The following PPP2R5E variants were observed in gnomAD, a reference collection of about 807,000 sequenced individuals.
The protein encoded by PPP2R5E is serine/threonine-protein phosphatase 2A 56 kDa regulatory subunit epsilon isoform.
In PPP2R5E, 4 loss-of-function variants were observed where a neutral mutation model predicts 65.3. That is an observed-to-expected ratio of 0.06 (90% CI 0.03 to 0.14). The LOEUF (loss-of-function observed/expected upper bound fraction) is 0.14, where lower values mean the gene tolerates loss of function less well. PPP2R5E is among the 10% of genes least tolerant of loss of function. PPP2R5E has a pLI of 1.00. For missense variants in PPP2R5E, 274 were observed against 556.1 expected (o/e 0.49, Z 5.10); for synonymous variants, 183 against 187.4 (o/e 0.98, Z 0.19).
chr14:63,418,841 CTTT>C (rs772740856), intron 4 of PPP2R5E, among the ~76,000 whole-genome samples: 2 of 105,088 alleles, frequency 1.9e-5, no homozygotes, highest in Non-Finnish European at 3.8e-5. Flanking sequence ...AATTTTTTTA[CTTT>C]TTTTTTTTTT....
chr14:63,473,658 CAA>C (rs1309848018), intron 2 of PPP2R5E, among the ~76,000 whole-genome samples: 2 of 152,098 alleles, frequency 1.3e-5, no homozygotes, highest in African/African-American at 4.8e-5. Flanking sequence ...CAATCAGACT[CAA>C]GAGGCTGAGA....
chr14:63,450,824 C>CTTT, intron 3 of PPP2R5E, among the ~76,000 whole-genome samples: 1 of 149,194 alleles, frequency 6.7e-6, no homozygotes, highest in Non-Finnish European at 1.5e-5. Flanking sequence ...TGGTGAGTTG[C>CTTT]CAAGAAGCAG....
At chr14:63,400,699 C>CAAAGAAAAAAA (rs1555356629) in intron 5 of PPP2R5E, among the ~76,000 whole-genome samples, 1 of 73,730 alleles carries the variant, frequency 1.4e-5, no homozygotes, top group African/African-American at 4.6e-5. Context: ...CCCAACCAGC[C>CAAAGAAAAAAA]AAAAAAAAAA....
At chr14:63,478,961 C>G (rs926546916) in intron 2 of PPP2R5E, among the ~76,000 whole-genome samples, 1 of 151,540 alleles carries the variant, frequency 6.6e-6, no homozygotes, top group African/African-American at 2.4e-5. Flanking sequence ...CCATCTTGTA[C>G]TAAAAATCCA....
At chr14:63,393,096 C>A (rs1327156987) in intron 8 of PPP2R5E, among the ~76,000 whole-genome samples, 1 of 152,040 alleles carries the variant, frequency 6.6e-6, no homozygotes, top group Non-Finnish European at 1.5e-5. Context: ...TGACCTAGAA[C>A]AGGAGGCAAA....
intron 2 of PPP2R5E, among the ~76,000 whole-genome samples, chr14:63,519,323 G>T (rs991390765): frequency 2.0e-4 from 30 of 152,260 alleles, no homozygotes; most frequent in African/African-American, 7.0e-4. Context: ...ATTTGAGGGT[G>T]TATAAATGTT....
At chr14:63,399,282 T>C (rs1297281319) in intron 5 of PPP2R5E, among the ~76,000 whole-genome samples, 3 of 151,538 alleles carry the variant, frequency 2.0e-5, no homozygotes, top group Admixed American at 1.3e-4. Context: ...TATGACTCCA[T>C]TTATGTGAAA....
intron 3 of PPP2R5E, chr14:63,451,192 T>C (rs1016975262): frequency 6.6e-6 from 1 of 152,162 alleles, no homozygotes; most frequent in Non-Finnish European, 1.5e-5. Context: ...ATACAATACA[T>C]ACAGCAATTA....
At chr14:63,532,064 G>A (rs752887422) in intron 2 of PPP2R5E, among the ~76,000 whole-genome samples, 1 of 152,088 alleles carries the variant, frequency 6.6e-6, no homozygotes, top group Non-Finnish European at 1.5e-5. Context: ...ATATCCCTTT[G>A]AGAATCTGAA....
intron 2 of PPP2R5E, among the ~76,000 whole-genome samples, chr14:63,468,845 T>C (rs1452335113): frequency 2.0e-5 from 3 of 152,138 alleles, no homozygotes; most frequent in African/African-American, 4.8e-5. Flanking sequence ...AAACAAACAG[T>C]ATTAACCTCC....
chr14:63,413,915 C>T lies in PPP2R5E; in HGVS notation c.549+1225G>A, dbSNP rs147170642. Among the ~76,000 whole-genome samples, 431 of 152,240 alleles carry T rather than the reference C, an allele frequency of 2.8e-3. 1 individual carries two copies. The highest frequency in any genetic ancestry group is 9.7e-3 in the African/African-American group (404 of 41,540). ...AAATGTGAAGTATTGCTCAAGGATC[C>T]GCCCCATGTACCTAGGGGAATAGGG... On this transcript the variant is annotated intron_variant, in intron 5 of 13. Transcript: ENST00000337537.
At chr14:63,532,753 T>C (rs1893490583) in intron 2 of PPP2R5E, among the ~76,000 whole-genome samples, 2 of 152,348 alleles carry the variant, frequency 1.3e-5, no homozygotes, top group South Asian at 4.1e-4. Context: ...AAGCTAGGAC[T>C]CTTGAGGACC....
At chr14:63,406,732 C>T (rs1472792413) in intron 5 of PPP2R5E, among the ~76,000 whole-genome samples, 1 of 152,142 alleles carries the variant, frequency 6.6e-6, no homozygotes, top group Non-Finnish European at 1.5e-5. Context: ...CATTTATGTT[C>T]AACACTGATT....
At position 63,393,717 on chromosome 14, in the gene PPP2R5E, AC is replaced by A. The variant is rs199563158; in HGVS notation, c.849+102del. The A allele has an allele frequency of 3.6e-3, 2,846 of 784,762 alleles. 21 individuals are homozygous for A. The highest frequency in any genetic ancestry group is 0.03 in the African/African-American group (1,615 of 53,994). The allele number at this position is 784,762 out of a possible 1,614,324, so 48.6% of individuals were successfully genotyped here. On this transcript the variant is annotated intron_variant, in intron 8 of 13. Coordinates refer to ENST00000337537, the MANE Select transcript of PPP2R5E (RefSeq NM_006246.5). ...GCAGAGCAAGACTCCGTCTCAAAAA[AC>A]AAAAACCAAAAAAACAAAATGAAGG...
intron 2 of PPP2R5E, among the ~76,000 whole-genome samples, chr14:63,510,415 T>G (rs369494956): frequency 2.6e-5 from 4 of 152,296 alleles, no homozygotes; most frequent in Admixed American, 6.5e-5. Flanking sequence ...GAGCATGCAG[T>G]CTAACTGAAG....
chr14:63,411,658 TAAAAAAAAAAAAAA>T (rs766263301), intron 5 of PPP2R5E, among the ~76,000 whole-genome samples: 13 of 93,108 alleles, frequency 1.4e-4, no homozygotes, highest in African/African-American at 1.7e-4. Flanking sequence ...TGTGGTTGTT[TAAAAAAAAAAAAAA>T]AAAAAAAAAA....
chr14:63,522,342 T>C (rs8014389), intron 2 of PPP2R5E, among the ~76,000 whole-genome samples: 4,181 of 151,692 alleles, frequency 0.028, 61 homozygotes, highest in African/African-American at 0.045. Context: ...AGTGCCGAGA[T>C]TGCAGCCTCT....
Position 63,443,004 on chromosome 14 carries a change from G to A in PPP2R5E, c.354+10685C>T, listed in dbSNP as rs116896841. 9.3e-4 allele frequency among the ~76,000 whole-genome samples: 141 copies of A among 152,146 alleles called. 4 individuals carry two copies. Among genetic ancestry groups the A allele is most frequent in the East Asian group, 6.6e-3 (34 of 5,184 alleles). ...CCAAGCACTACTAAGAGTACATGTCGGCAGACTCTGAGAGATTTAATTGCA... is the reference window on the plus strand; with the variant it reads ...CCAAGCACTACTAAGAGTACATGTCAGCAGACTCTGAGAGATTTAATTGCA... On this transcript the variant is annotated intron_variant, in intron 3 of 13. Transcript: ENST00000337537.
At chr14:63,478,768 G>A (rs373733588) in intron 2 of PPP2R5E, among the ~76,000 whole-genome samples, 2 of 152,072 alleles carry the variant, frequency 1.3e-5, no homozygotes, top group Non-Finnish European at 1.5e-5. Context: ...CTCCAATGCT[G>A]ACTTACCCTG....
Sources: gnomAD v4.1 joint callset for allele counts (sites outside exome capture counted in the v4.1 genomes callset) on GRCh38, gnomAD v4.1.1 for gene constraint, MANE v1.5 for transcripts, NCBI Gene and HGNC (gene_info 2026-07-23, HGNC 2026-07-21) for gene names.